The following LIX1 variants were observed in gnomAD, a reference collection of about 807,000 sequenced individuals.
LIX1 encodes the protein limb and CNS expressed 1, also known as protein limb expression 1 homolog.
Under a neutral mutation model 33.4 loss-of-function variants are expected in LIX1, and 24 were observed. That is an observed-to-expected ratio of 0.72 (90% CI 0.52 to 1.01). The LOEUF (loss-of-function observed/expected upper bound fraction) is 1.01, where lower values mean the gene tolerates loss of function less well. Among genes scored for constraint, LIX1 ranks in the 50% least tolerant of loss-of-function variants. The pLI is 0.00. For missense variants in LIX1, 311 were observed against 339.2 expected (o/e 0.92, Z 0.65); for synonymous variants, 124 against 124.0 (o/e 1.00, Z 0.00).
At chr5:97,131,238 T>C (rs1748050228) in intron 1 of LIX1, among the ~76,000 whole-genome samples, 1 of 147,028 alleles carries the variant, frequency 6.8e-6, no homozygotes, top group Non-Finnish European at 1.5e-5. Flanking sequence ...CCTGAACACA[T>C]GTTGCTTATT....
intron 1 of LIX1, among the ~76,000 whole-genome samples, chr5:97,133,004 T>C (rs1029781463): frequency 2.0e-5 from 3 of 152,352 alleles, no homozygotes; most frequent in Non-Finnish European, 2.9e-5. Context: ...TATATATACA[T>C]AAAATTGTAT....
chr5:97,111,898 C>A (rs188789504), intron 2 of LIX1, among the ~76,000 whole-genome samples: 5 of 152,254 alleles, frequency 3.3e-5, no homozygotes, highest in East Asian at 3.9e-4. Flanking sequence ...AGAGACCTAA[C>A]CAATACCAAG....
chr5:97,122,427 C>A (rs1319007577), intron 2 of LIX1, among the ~76,000 whole-genome samples: 3 of 152,220 alleles, frequency 2.0e-5, no homozygotes, highest in African/African-American at 7.2e-5. Flanking sequence ...GGCACCCTTT[C>A]TTCTTGCCTA....
intron 1 of LIX1, chr5:97,137,199 A>T (rs969340727): frequency 4.9e-6 from 2 of 411,606 alleles, no homozygotes; most frequent in Non-Finnish European, 9.7e-6. Context: ...TTAACTGTTA[A>T]AAACAACAGC....
intron 1 of LIX1, among the ~76,000 whole-genome samples, chr5:97,130,512 C>G (rs1450319444): frequency 6.6e-6 from 1 of 152,194 alleles, no homozygotes; most frequent in Non-Finnish European, 1.5e-5. Context: ...CTGGAGAAAG[C>G]AGAGGGGTAG....
At chr5:97,100,139 T>C (rs936730242) in intron 4 of LIX1, among the ~76,000 whole-genome samples, 2 of 152,196 alleles carry the variant, frequency 1.3e-5, no homozygotes, top group African/African-American at 4.8e-5. Flanking sequence ...TAAGGGACTA[T>C]CATTCCACCC....
intron 2 of LIX1, 58 bp downstream of exon 2, chr5:97,124,407 AG>A: frequency 7.0e-7 from 1 of 1,431,846 alleles, no homozygotes. Flanking sequence ...GTTTACAAAA[AG>A]GTTTACTTTA....
chr5:97,138,674 G>T (rs1037472547), intron 1 of LIX1, among the ~76,000 whole-genome samples: 3 of 152,022 alleles, frequency 2.0e-5, no homozygotes, highest in African/African-American at 7.2e-5. Context: ...AAAATTATCT[G>T]CCCCTCACCA....
rs751992564 is a variant in LIX1, at chr5:97,094,697, A to T, written c.*51T>A. ...TGAGGACCTCTGCACTGAGATTCCT[A>T]ATGTTAATCTGGCCTCTGCCATCAC... is the stretch of plus-strand genomic sequence containing the variant. On this transcript the variant is annotated 3_prime_UTR_variant, in exon 6 of 6. Coordinates refer to ENST00000274382, the MANE Select transcript of LIX1 (RefSeq NM_153234.5). 1.3e-6 allele frequency: 2 copies of T among 1,563,398 alleles called. No homozygotes were observed. Among genetic ancestry groups the T allele is most frequent in the East Asian group, 4.5e-5 (2 of 44,572 alleles).
rs573746006 is a variant in LIX1 at position 97,112,363 on chromosome 5, A to T, written c.247-4863T>A. ...AATATGGTAAGTGACAGGACATTTT[A>T]TGGATGTGTCCAAACCAGTCGTCAA... On this transcript the variant is annotated intron_variant, in intron 2 of 5. Transcript: ENST00000274382. Among the ~76,000 whole-genome samples the T allele has an allele frequency of 7.2e-5, 11 of 152,358 alleles. No homozygotes were observed. The East Asian group carries it at 2.1e-3, about 29-fold the overall frequency.
intron 2 of LIX1, among the ~76,000 whole-genome samples, chr5:97,109,671 G>T (rs987287357): frequency 6.6e-6 from 1 of 152,056 alleles, no homozygotes; most frequent in African/African-American, 2.4e-5. Flanking sequence ...GTGATTTCTG[G>T]GAATTTGGTG....
In LIX1 at chr5:97,094,989, C is replaced by T. The variant is rs777620129; in HGVS notation, c.608G>A (p.Arg203His). ...YSQYSLDEKM[R>H]SHMALDWIMK... ...GATCCAGTCCAGGGCCATGTGGCTG[C>T]GCATCTTTTCATCTAGAGAATACTG... Residue 203 changes from arginine to histidine, a missense_variant, in exon 6 of 6, where the codon CGC becomes CAC. Arg to His is a conservative substitution (Grantham distance 29). Transcript: ENST00000274382. 1.3e-5 allele frequency: 21 copies of T among 1,613,988 alleles called. No homozygotes were observed. Among genetic ancestry groups the T allele is most frequent in the Middle Eastern group, 1.6e-4 (1 of 6,082 alleles).
At chr5:97,097,318 C>T (rs1207471676) in intron 4 of LIX1, among the ~76,000 whole-genome samples, 1 of 152,142 alleles carries the variant, frequency 6.6e-6, no homozygotes, top group Admixed American at 6.5e-5. Context: ...TATGATATAT[C>T]CATACTACTG....
intron 4 of LIX1, among the ~76,000 whole-genome samples, chr5:97,104,602 T>A (rs1328390395): frequency 6.6e-6 from 1 of 152,230 alleles, no homozygotes; most frequent in East Asian, 1.9e-4. Context: ...TCCATAAATG[T>A]CAGCTGTTAT....
At chr5:97,132,229 A>G (rs1748072319) in intron 1 of LIX1, among the ~76,000 whole-genome samples, 1 of 152,252 alleles carries the variant, frequency 6.6e-6, no homozygotes. Flanking sequence ...GTCTCTGCCC[A>G]CGGAGATTTA....
chr5:97,117,347 G>A (rs1747660401), intron 2 of LIX1, among the ~76,000 whole-genome samples: 1 of 152,174 alleles, frequency 6.6e-6, no homozygotes, highest in Non-Finnish European at 1.5e-5. Context: ...CATTAAAACA[G>A]CATTAGTGCT....
chr5:97,141,621 T>G (rs903335687), intron 1 of LIX1, among the ~76,000 whole-genome samples: 3 of 147,064 alleles, frequency 2.0e-5, no homozygotes, highest in African/African-American at 7.4e-5. Context: ...CAAACACAAC[T>G]AGATTCACAA....
intron 1 of LIX1, among the ~76,000 whole-genome samples, chr5:97,125,424 A>G (rs1347494653): frequency 6.6e-6 from 1 of 152,246 alleles, no homozygotes; most frequent in East Asian, 1.9e-4. Context: ...ATGTAGGCAA[A>G]GCCCTGCCTA....
intron 1 of LIX1, among the ~76,000 whole-genome samples, chr5:97,126,449 T>A (rs1018104021): frequency 6.6e-6 from 1 of 152,140 alleles, no homozygotes. Flanking sequence ...CTGGTTGCCA[T>A]GTATATTTAA....
Sources: gnomAD v4.1 joint callset for allele counts (sites outside exome capture counted in the v4.1 genomes callset) on GRCh38, gnomAD v4.1.1 for gene constraint, MANE v1.5 for transcripts, NCBI Gene and HGNC (gene_info 2026-07-23, HGNC 2026-07-21) for gene names.